The following CPT1A variants were observed in gnomAD, a reference collection of about 807,000 sequenced individuals.
CPT1A encodes the protein carnitine palmitoyltransferase 1A.
A neutral mutation model predicts 100.8 loss-of-function variants in CPT1A; 64 were observed. The ratio of observed to expected loss-of-function variants is 0.63; its 90% CI spans 0.52 to 0.78. The LOEUF is 0.78. Among genes scored for constraint, CPT1A ranks in the 30% least tolerant of loss-of-function variants. The pLI is 0.00. For missense variants in CPT1A, 802 were observed against 1,034.1 expected, an observed-to-expected ratio of 0.78 and a Z score of 3.08; for synonymous variants, 363 against 396.0, an observed-to-expected ratio of 0.92 and a Z score of 0.99.
At chr11:68,831,265 C>A (rs1023823026) in intron 1 of CPT1A, among the ~76,000 whole-genome samples, 2 of 152,166 alleles carry the variant, frequency 1.3e-5, no homozygotes, top group African/African-American at 4.8e-5. Context: ...TTGAGCAAAC[C>A]TCCCCACTCC....
In CPT1A at chr11:68,808,720, GCAAAATATTT is replaced by G. The variant is rs1395874768; in HGVS notation, c.282-1092_282-1083del. Among the ~76,000 whole-genome samples the G allele has an allele frequency of 7.2e-5, 11 of 151,874 alleles. No homozygotes were observed. In the East Asian group the frequency reaches 2.1e-3, roughly 29 times the overall value. On this transcript the variant is annotated intron_variant, in intron 3 of 18. Coordinates refer to ENST00000265641, the MANE Select transcript of CPT1A (RefSeq NM_001876.4). ...TTTAGTTTTGGTTGTTTTGGGAACT[GCAAAATATTT>G]TTTAAATGAAAACTATTTAAGCATG... is the stretch of plus-strand genomic sequence containing the variant.
intron 1 of CPT1A, among the ~76,000 whole-genome samples, chr11:68,837,661 T>C (rs1236197972): frequency 6.6e-6 from 1 of 152,068 alleles, no homozygotes; most frequent in Non-Finnish European, 1.5e-5. Flanking sequence ...CAGGCGGTTA[T>C]GGCAATCCAG....
chr11:68,842,008 C>T (rs1353811101), upstream of CPT1A: 8 of 976,582 alleles, frequency 8.2e-6, no homozygotes, highest in African/African-American at 1.4e-4. Flanking sequence ...GGGGCGTCCG[C>T]GGGGCTAGGA....
At chr11:68,823,077 C>T (rs942554430) in intron 1 of CPT1A, among the ~76,000 whole-genome samples, 6 of 151,998 alleles carry the variant, frequency 3.9e-5, no homozygotes, top group Non-Finnish European at 8.8e-5. Flanking sequence ...TGGCGAAACC[C>T]TGTCTCTGCA....
chr11:68,827,749 T>C (rs541064979), intron 1 of CPT1A, among the ~76,000 whole-genome samples: 1 of 152,232 alleles, frequency 6.6e-6, no homozygotes, highest in East Asian at 1.9e-4. Flanking sequence ...TCCCTACGTA[T>C]TTGAGTATCT....
intron 13 of CPT1A, chr11:68,773,987 C>T (rs1242876713): frequency 4.8e-5 from 8 of 168,404 alleles, no homozygotes; most frequent in Non-Finnish European, 1.0e-4. Context: ...GCGCATGCTC[C>T]CTTCCCAAGC....
At chr11:68,793,900 A>G (rs903972991) in intron 8 of CPT1A, among the ~76,000 whole-genome samples, 2 of 152,206 alleles carry the variant, frequency 1.3e-5, no homozygotes, top group African/African-American at 2.4e-5. Flanking sequence ...TCATTAAACC[A>G]TGCCAGGGTG....
intron 1 of CPT1A, among the ~76,000 whole-genome samples, chr11:68,830,693 C>A (rs904992120): frequency 2.0e-5 from 3 of 152,234 alleles, no homozygotes; most frequent in Non-Finnish European, 4.4e-5. Flanking sequence ...TTGACCTATG[C>A]CACTAACTGG....
At chr11:68,777,076 A>G (rs1394625974) in intron 12 of CPT1A, among the ~76,000 whole-genome samples, 1 of 152,244 alleles carries the variant, frequency 6.6e-6, no homozygotes, top group Admixed American at 6.5e-5. Context: ...AGACTTGATC[A>G]GGTTCCACCT....
intron 3 of CPT1A, among the ~76,000 whole-genome samples, chr11:68,810,615 T>A (rs1036500344): frequency 6.6e-6 from 1 of 152,134 alleles, no homozygotes; most frequent in Non-Finnish European, 1.5e-5. Flanking sequence ...AAAAAGAGGT[T>A]CAGGAATCAG....
At chr11:68,795,094 A>C (rs1189402383) in intron 7 of CPT1A, among the ~76,000 whole-genome samples, 183 bp from the exon 8 acceptor site, 1 of 152,242 alleles carries the variant, frequency 6.6e-6, no homozygotes, top group Non-Finnish European at 1.5e-5. Flanking sequence ...TTGACTTTGT[A>C]AATGTTTTAT....
At chr11:68,812,001 G>A (rs1289959664) in intron 3 of CPT1A, among the ~76,000 whole-genome samples, 1 of 152,150 alleles carries the variant, frequency 6.6e-6, no homozygotes, top group Non-Finnish European at 1.5e-5. Flanking sequence ...AGTGGGTGAG[G>A]TCCCTGCAGA....
At chr11:68,809,260 T>C (rs1856130817) in intron 3 of CPT1A, among the ~76,000 whole-genome samples, 1 of 152,116 alleles carries the variant, frequency 6.6e-6, no homozygotes, top group African/African-American at 2.4e-5. Flanking sequence ...TTTTAGATAA[T>C]CTACATTTTA....
At chr11:68,835,285 A>G (rs35786597) in intron 1 of CPT1A, among the ~76,000 whole-genome samples, 41,743 of 152,120 alleles carry the variant, frequency 0.27, 6,622 homozygotes, top group South Asian at 0.44. Context: ...GACTGCAAGG[A>G]GGAGACCTGC....
In CPT1A at chr11:68,815,457, T is replaced by C. The variant is rs2154001368; in HGVS notation, c.18A>G (p.Gln6=). 1.4e-5 allele frequency: 22 copies of C among 1,614,124 alleles called. No individual in the cohort carries two copies. Among genetic ancestry groups the C allele is most frequent in the Non-Finnish European group, 1.9e-5 (22 of 1,180,030 alleles). MAEAH[Q]AVAFQFTVTP... is the part of the protein sequence containing the mutation. ...TGACCGTGAACTGAAAGGCCACAGC[T>C]TGGTGAGCTTCTGCCATCTTCAGAG... Residue 6 remains glutamine, a synonymous_variant, in exon 2 of 19, where the codon CAA becomes CAG. Coordinates refer to ENST00000265641, the MANE Select transcript of CPT1A (RefSeq NM_001876.4).
intron 5 of CPT1A, among the ~76,000 whole-genome samples, chr11:68,801,244 A>G (rs1308924759): frequency 6.6e-6 from 1 of 152,212 alleles, no homozygotes; most frequent in East Asian, 1.9e-4. Context: ...GACAGAGGTC[A>G]CTGAAGGTCA....
intron 2 of CPT1A, among the ~76,000 whole-genome samples, chr11:68,814,969 G>C (rs138616250): frequency 6.6e-6 from 1 of 152,158 alleles, no homozygotes; most frequent in Non-Finnish European, 1.5e-5. Context: ...TTATAGGTGT[G>C]AGCCACTGCA....
chr11:68,757,755 A>C, intron 18 of CPT1A, 25 bp from the exon 19 acceptor site: 1 of 1,599,994 alleles, frequency 6.3e-7, no homozygotes, highest in Non-Finnish European at 8.6e-7. Context: ...CAAAAACCAA[A>C]AACCTATTAA....
At position 68,755,096 on chromosome 11, in the gene CPT1A, CCT is replaced by C. The variant is rs1304331433; in HGVS notation, c.*2546_*2547del. 1.0e-5 allele frequency: 5 copies of C among 482,190 alleles called. No homozygotes were observed. Among genetic ancestry groups the C allele is most frequent in the Admixed American group, 7.1e-5 (2 of 28,200 alleles). 29.9% of individuals were successfully genotyped at this position (482,190 alleles called of 1,614,324 possible). A position where few individuals can be genotyped will look rare whatever the true frequency, so the allele number is the denominator to read the frequency against. ...CCCCTTGGACATGTACAATAAGACC[CCT>C]CTTTCTCCCCTCAAGGAATATAAAA... On this transcript the variant is annotated 3_prime_UTR_variant, in exon 19 of 19. Transcript: ENST00000265641.
Sources: gnomAD v4.1 joint callset for allele counts (sites outside exome capture counted in the v4.1 genomes callset) on GRCh38, gnomAD v4.1.1 for gene constraint, MANE v1.5 for transcripts, NCBI Gene and HGNC (gene_info 2026-07-23, HGNC 2026-07-21) for gene names.